The following KCNIP4 variants were observed in gnomAD, a reference collection of about 807,000 sequenced individuals.
KCNIP4 encodes the protein potassium voltage-gated channel interacting protein 4.
A neutral mutation model predicts 34.0 loss-of-function variants in KCNIP4; 12 were observed. The ratio of observed to expected loss-of-function variants is 0.35; its 90% CI spans 0.23 to 0.57. KCNIP4 has a LOEUF of 0.57. Among genes scored for constraint, KCNIP4 ranks in the 20% least tolerant of loss-of-function variants. The pLI is 0.83. For missense variants in KCNIP4, 238 were observed against 311.7 expected (o/e 0.76, Z 1.78); for synonymous variants, 124 against 102.2 (o/e 1.21, Z -1.29).
chr4:21,551,420 C>A (rs1343841930), intron 1 of KCNIP4, among the ~76,000 whole-genome samples: 2 of 152,042 alleles, frequency 1.3e-5, no homozygotes, highest in Admixed American at 1.3e-4. Context: ...TATCTTCTTG[C>A]CACTACAATA....
intron 2 of KCNIP4, among the ~76,000 whole-genome samples, chr4:20,862,594 A>G (rs574699152): frequency 6.6e-6 from 1 of 152,294 alleles, no homozygotes; most frequent in Non-Finnish European, 1.5e-5. Flanking sequence ...AAAATGCCCT[A>G]TCAAAGGAGT....
In KCNIP4 at chr4:21,112,477, C is replaced by T. The variant is rs957238257; in HGVS notation, c.62-229768G>A. 3.9e-5 allele frequency among the ~76,000 whole-genome samples: 6 copies of T among 152,116 alleles called. No individual in the cohort carries two copies. In the South Asian group the frequency reaches 8.3e-4, roughly 21 times the overall value. ...TTCCGAGTAAAGCTAAGCTTTTGTGCCATTTTGGAGATAGTAACATGCAAA... is the reference window on the plus strand; with the variant it reads ...TTCCGAGTAAAGCTAAGCTTTTGTGTCATTTTGGAGATAGTAACATGCAAA... On this transcript the variant is annotated intron_variant, in intron 1 of 8. Transcript: ENST00000382152.
intron 3 of KCNIP4, among the ~76,000 whole-genome samples, chr4:20,761,738 G>A (rs1366504348): frequency 2.0e-5 from 3 of 152,204 alleles, no homozygotes; most frequent in African/African-American, 7.2e-5. Context: ...AAATGAATTT[G>A]TAAACTGACT....
rs1560803163 is a variant in KCNIP4, at chr4:21,200,300, GTATATATATACATACATATATGTGTGTA to G, written c.62-317619_62-317592del. Among the ~76,000 whole-genome samples the G allele has an allele frequency of 7.3e-5, 10 of 136,344 alleles. 1 individual carries two copies. The highest frequency in any genetic ancestry group is 2.9e-4 in the Admixed American group (4 of 13,740). 89.4% of individuals were successfully genotyped at this position (136,344 alleles called of 152,430 possible). A position where few individuals can be genotyped will look rare whatever the true frequency, so the allele number is the denominator to read the frequency against. ...AAATGTGATGTGTGTGTGTGTGTGT[GTATATATATACATACATATATGTGTGTA>G]TATATATATACATACATATATGTGT... On this transcript the variant is annotated intron_variant, in intron 1 of 8. Coordinates refer to ENST00000382152, the MANE Select transcript of KCNIP4 (RefSeq NM_025221.6).
chr4:20,732,235 T>C (rs534966465), intron 7 of KCNIP4, among the ~76,000 whole-genome samples, 167 bp from the exon 8 acceptor site: 2 of 152,320 alleles, frequency 1.3e-5, no homozygotes, highest in East Asian at 1.9e-4. Context: ...ATAAAAATGA[T>C]AGGGCCAAAT....
chr4:21,047,608 A>G (rs966381604), intron 1 of KCNIP4, among the ~76,000 whole-genome samples: 1 of 152,184 alleles, frequency 6.6e-6, no homozygotes, highest in African/African-American at 2.4e-5. Context: ...ATCACCCCCA[A>G]TGCTAGAAAA....
At chr4:21,790,453 G>A (rs73105917) in intron 1 of KCNIP4, among the ~76,000 whole-genome samples, 16,041 of 151,926 alleles carry the variant, frequency 0.11, 2,889 homozygotes, top group African/African-American at 0.37. Flanking sequence ...GAGGAATTTC[G>A]GAGGCTTTAG....
intron 3 of KCNIP4, among the ~76,000 whole-genome samples, chr4:20,834,464 A>T (rs1718803630): frequency 1.3e-5 from 2 of 152,316 alleles, no homozygotes; most frequent in South Asian, 4.1e-4. Flanking sequence ...ATAATGATAA[A>T]TGCTAAGTAA....
rs1344961380 is a variant in KCNIP4, at chr4:21,424,703, T to C, written c.61+523868A>G. Among the ~76,000 whole-genome samples, 4 of 152,288 alleles carry C rather than the reference T, an allele frequency of 2.6e-5. No homozygotes were observed. In the East Asian group the frequency reaches 7.7e-4, roughly 29 times the overall value. ...TATAAGATTTCTACAAAACCTAAGA[T>C]TTATAAAATCTAAGAAAGCTGAAAG... is the stretch of plus-strand genomic sequence containing the variant. On this transcript the variant is annotated intron_variant, in intron 1 of 8. Transcript: ENST00000382152.
At chr4:21,836,402 C>T (rs142424507) in intron 1 of KCNIP4, among the ~76,000 whole-genome samples, 317 of 152,112 alleles carry the variant, frequency 2.1e-3, no homozygotes, top group Non-Finnish European at 3.9e-3. Context: ...AACTATAGCC[C>T]GCTGGGAAAA....
At chr4:21,147,962 A>AAAAAAAAAAAAAAAAAAG (rs1553945858) in intron 1 of KCNIP4, among the ~76,000 whole-genome samples, 43 of 123,890 alleles carry the variant, frequency 3.5e-4, no homozygotes, top group Non-Finnish European at 6.0e-4. Flanking sequence ...AAAAAAAAAG[A>AAAAAAAAAAAAAAAAAAG]AAAAAAGTTC....
intron 1 of KCNIP4, among the ~76,000 whole-genome samples, chr4:21,089,293 T>C (rs28658372): frequency 0.021 from 3,228 of 152,280 alleles, 117 homozygotes; most frequent in African/African-American, 0.073. Flanking sequence ...CCTCCCTCTT[T>C]GCTCTCTTCC....
chr4:20,741,367 C>T (rs973421300), intron 5 of KCNIP4, among the ~76,000 whole-genome samples: 32 of 152,242 alleles, frequency 2.1e-4, no homozygotes, highest in Admixed American at 1.6e-3. Context: ...TTATAACAAA[C>T]TGTCTCTCAG....
chr4:21,690,098 G>GTATATATATACATATATTATATATA (rs1553921183), intron 1 of KCNIP4, among the ~76,000 whole-genome samples: 5 of 146,026 alleles, frequency 3.4e-5, no homozygotes, highest in Non-Finnish European at 7.5e-5. Flanking sequence ...ACATATATAT[G>GTATATATATACATATATTATATATA]TATATATATA....
chr4:21,463,407 C>T (rs1417279517), intron 1 of KCNIP4, among the ~76,000 whole-genome samples: 1 of 151,892 alleles, frequency 6.6e-6, no homozygotes, highest in East Asian at 1.9e-4. Flanking sequence ...TCTTTTCTCT[C>T]CAACTTCATA....
At chr4:20,864,375 CATTTT>C (rs892181462) in intron 2 of KCNIP4, among the ~76,000 whole-genome samples, 7 of 150,432 alleles carry the variant, frequency 4.7e-5, no homozygotes, top group Non-Finnish European at 8.9e-5. Flanking sequence ...GTATGTTATA[CATTTT>C]ATATATACAT....
chr4:21,004,563 A>C (rs529769986), intron 1 of KCNIP4, among the ~76,000 whole-genome samples: 1 of 152,310 alleles, frequency 6.6e-6, no homozygotes, highest in African/African-American at 2.4e-5. Context: ...TCAAGGTGAG[A>C]GTCTTGGAGA....
At chr4:21,946,445 A>T (rs922105911) in intron 1 of KCNIP4, among the ~76,000 whole-genome samples, 14 of 152,168 alleles carry the variant, frequency 9.2e-5, no homozygotes, top group African/African-American at 3.4e-4. Flanking sequence ...AGAGATCGGG[A>T]CTATTATTTT....
At chr4:20,983,704 A>G in intron 1 of KCNIP4, 10 of 857,634 alleles carry the variant, frequency 1.2e-5, no homozygotes, top group Non-Finnish European at 1.8e-5. Flanking sequence ...CCAAACATGC[A>G]TATTTTAAAA....
Sources: gnomAD v4.1 joint callset for allele counts (sites outside exome capture counted in the v4.1 genomes callset) on GRCh38, gnomAD v4.1.1 for gene constraint, MANE v1.5 for transcripts, NCBI Gene and HGNC (gene_info 2026-07-23, HGNC 2026-07-21) for gene names.